Variants in TMEM232 observed in about 807,000 individuals in gnomAD.
TMEM232 encodes transmembrane protein 232.
Under a neutral mutation model 78.8 loss-of-function variants are expected in TMEM232, and 80 were observed. That is an observed-to-expected ratio of 1.01 (90% CI 0.85 to 1.22). TMEM232 has a LOEUF of 1.22. Among genes scored for constraint, TMEM232 ranks in the 50% most tolerant of loss-of-function variants. TMEM232 has a pLI of 0.00. For missense variants in TMEM232, 881 were observed against 742.2 expected, an observed-to-expected ratio of 1.19 and a Z score of -2.17; for synonymous variants, 297 against 254.3, an observed-to-expected ratio of 1.17 and a Z score of -1.60.
At chr5:110,392,148 G>A (rs1162422222) in intron 3 of TMEM232, among the ~76,000 whole-genome samples, 3 of 152,160 alleles carry the variant, frequency 2.0e-5, no homozygotes, top group African/African-American at 7.2e-5. Flanking sequence ...ATTCTTTCCA[G>A]GTGGCATGAT....
chr5:110,541,317 A>G (rs1773081405), intron 11 of TMEM232, among the ~76,000 whole-genome samples: 1 of 152,174 alleles, frequency 6.6e-6, no homozygotes, highest in African/African-American at 2.4e-5. Flanking sequence ...AGAGGAGCTT[A>G]TCCAGGGGAA....
chr5:110,701,141 A>G (rs1430328915), intron 1 of TMEM232, among the ~76,000 whole-genome samples: 1 of 152,006 alleles, frequency 6.6e-6, no homozygotes, highest in Non-Finnish European at 1.5e-5. Context: ...ACTGAAAAAG[A>G]ACTGACTAAA....
intron 12 of TMEM232, among the ~76,000 whole-genome samples, chr5:110,465,423 G>T (rs1761969253): frequency 6.6e-6 from 1 of 152,130 alleles, no homozygotes; most frequent in Admixed American, 6.6e-5. Context: ...CACCTTACCA[G>T]CCCTGAACTC....
chr5:110,399,358 A>T (rs1245314041), intron 2 of TMEM232, among the ~76,000 whole-genome samples: 1 of 151,944 alleles, frequency 6.6e-6, no homozygotes, highest in African/African-American at 2.4e-5. Flanking sequence ...CTATTTGTTA[A>T]CTCTCCTCCG....
chr5:110,478,119 C>G lies in TMEM232; in HGVS notation c.1703+50469G>C, dbSNP rs139625257. Among the ~76,000 whole-genome samples the G allele has an allele frequency of 3.1e-3, 477 of 152,002 alleles. 2 individuals are homozygous for G. Among genetic ancestry groups the G allele is most frequent in the African/African-American group, 0.011 (460 of 41,536 alleles). ...TGCATCTTTTATTCTTATGTATTCA[C>G]AGCAAAGCTGTCTGTATCCCACGCT... On this transcript the variant is annotated intron_variant, in intron 12 of 13. Coordinates refer to ENST00000455884, the MANE Select transcript of TMEM232 (RefSeq NM_001039763.4).
rs541964967 is a variant in TMEM232, at chr5:110,548,243, C to G, written c.1456-19408G>C. Among the ~76,000 whole-genome samples the G allele has an allele frequency of 1.1e-4, 17 of 150,576 alleles. 1 individual carries two copies. The East Asian group carries it at 2.9e-3, about 26-fold the overall frequency. On this transcript the variant is annotated intron_variant, in intron 11 of 13. Transcript: ENST00000455884. The stretch of plus-strand genomic sequence containing the variant: ...ATAATAATATACTGGTGCCTATAAA[C>G]ACACACACACATACACGAACACATC...
intron 10 of TMEM232, among the ~76,000 whole-genome samples, chr5:110,590,866 G>T (rs1011796375): frequency 4.6e-5 from 7 of 152,234 alleles, no homozygotes; most frequent in African/African-American, 1.4e-4. Flanking sequence ...GAAGAGCAAA[G>T]AAGAAACTTC....
rs1362085766 is a variant in TMEM232 at position 110,625,323 on chromosome 5, A to G, written c.712T>C (p.Ser238Pro). 1.9e-6 allele frequency: 3 copies of G among 1,546,700 alleles called. No individual in the cohort carries two copies. Among genetic ancestry groups the G allele is most frequent in the Admixed American group, 4.0e-5 (2 of 50,496 alleles). The change falls in exon 7 of 14, where the codon TCC becomes CCC. Residue 238 changes from serine (S) to proline (P), a missense_variant. Ser to Pro is a moderately conservative substitution (Grantham distance 74). Coordinates refer to ENST00000455884, the MANE Select transcript of TMEM232 (RefSeq NM_001039763.4). ...IIGKRELRSESIFRPVEDKKR... is the reference protein window; with the variant it reads ...IIGKRELRSEPIFRPVEDKKR... ...TTATCTTCCACAGGTCTAAAAATGG[A>G]TTCAGAACGGAGTTCTCTTTTACCT...
chr5:110,415,456 G>A (rs1332273457), downstream of TMEM232, among the ~76,000 whole-genome samples: 1 of 151,478 alleles, frequency 6.6e-6, no homozygotes, highest in African/African-American at 2.4e-5. Context: ...CCAAGTGCTG[G>A]GATTACAGGC....
intron 3 of TMEM232, among the ~76,000 whole-genome samples, chr5:110,395,408 G>GCTTT (rs1484984416): frequency 3.1e-4 from 47 of 152,192 alleles, no homozygotes; most frequent in African/African-American, 9.9e-4. Context: ...GCCCACAGTT[G>GCTTT]ACCTTTAGCA....
intron 12 of TMEM232, among the ~76,000 whole-genome samples, chr5:110,471,254 T>C (rs960775676): frequency 6.6e-6 from 1 of 152,094 alleles, no homozygotes; most frequent in Non-Finnish European, 1.5e-5. Context: ...ATACAAGACT[T>C]ATGGGACAGC....
chr5:110,521,518 A>C (rs757317146), intron 12 of TMEM232, among the ~76,000 whole-genome samples: 1 of 152,162 alleles, frequency 6.6e-6, no homozygotes, highest in Non-Finnish European at 1.5e-5. Flanking sequence ...ATATTCAAGA[A>C]AACATTGTAA....
chr5:110,623,348 C>A (rs1005949168), intron 7 of TMEM232, among the ~76,000 whole-genome samples: 1 of 152,048 alleles, frequency 6.6e-6, no homozygotes, highest in African/African-American at 2.4e-5. Flanking sequence ...CATATAGGAA[C>A]ACTAAAAATC....
At chr5:110,645,078 T>G (rs1014128561) in intron 2 of TMEM232, among the ~76,000 whole-genome samples, 5 of 151,390 alleles carry the variant, frequency 3.3e-5, no homozygotes, top group Admixed American at 6.6e-5. Flanking sequence ...AAGATTAGAT[T>G]AGTAATGAAA....
At chr5:110,644,001 A>G (rs1263864142) in intron 2 of TMEM232, among the ~76,000 whole-genome samples, 3 of 152,026 alleles carry the variant, frequency 2.0e-5, no homozygotes, top group Non-Finnish European at 2.9e-5. Flanking sequence ...ACTGTCTTCT[A>G]TATATCAGGC....
intron 12 of TMEM232, among the ~76,000 whole-genome samples, chr5:110,523,458 G>C (rs1475528713): frequency 6.6e-6 from 1 of 151,940 alleles, no homozygotes; most frequent in Non-Finnish European, 1.5e-5. Context: ...CTAGGTCCTT[G>C]AGGTGTAAAT....
chr5:110,606,576 G>A (rs1781567900), intron 8 of TMEM232, among the ~76,000 whole-genome samples: 1 of 151,808 alleles, frequency 6.6e-6, no homozygotes, highest in Non-Finnish European at 1.5e-5. Context: ...AGCAATCAGG[G>A]GCTCTGGTTC....
At chr5:110,465,947 A>G (rs1406746804) in intron 12 of TMEM232, among the ~76,000 whole-genome samples, 2 of 152,196 alleles carry the variant, frequency 1.3e-5, no homozygotes, top group African/African-American at 2.4e-5. Flanking sequence ...CTCCACTCTC[A>G]TAATACATTC....
chr5:110,433,138 G>A (rs1758047852), intron 12 of TMEM232, among the ~76,000 whole-genome samples: 1 of 151,670 alleles, frequency 6.6e-6, no homozygotes, highest in African/African-American at 2.4e-5. Context: ...GGACCTAATA[G>A]ACAACTACAG....
Sources: gnomAD v4.1 joint callset for allele counts (sites outside exome capture counted in the v4.1 genomes callset) on GRCh38, gnomAD v4.1.1 for gene constraint, MANE v1.5 for transcripts, NCBI Gene and HGNC (gene_info 2026-07-23, HGNC 2026-07-21) for gene names.